IQCB1: variants seen among roughly 807,000 people sequenced by gnomAD.
IQCB1 encodes IQ calmodulin-binding motif-containing protein 1.
In IQCB1, 56 loss-of-function variants were observed where a neutral mutation model predicts 84.4. That is an observed-to-expected ratio of 0.66 (90% CI 0.54 to 0.83). The LOEUF is 0.83. Ranked by LOEUF, IQCB1 falls within the 40% of genes least tolerant of loss-of-function variation. The pLI, the probability that IQCB1 is intolerant of heterozygous loss-of-function variation, is 0.00. For synonymous variants in IQCB1, 210 were observed against 234.8 expected (o/e 0.89, Z 0.96); for missense variants, 629 against 682.1 (o/e 0.92, Z 0.87).
intron 13 of IQCB1, among the ~76,000 whole-genome samples, chr3:121,773,313 T>TAAAAAAAAA (rs57716745): frequency 1.9e-5 from 2 of 104,418 alleles, no homozygotes; most frequent in Non-Finnish European, 3.7e-5. Flanking sequence ...GACTCTGCCT[T>TAAAAAAAAA]AAAAAAAAAA....
chr3:121,811,953 G>C (rs1404135497), intron 5 of IQCB1, among the ~76,000 whole-genome samples: 1 of 152,328 alleles, frequency 6.6e-6, no homozygotes, highest in South Asian at 2.1e-4. Context: ...CTCTGCTAAG[G>C]AACAGAATGC....
chr3:121,822,089 G>A (rs1483093161), intron 5 of IQCB1, among the ~76,000 whole-genome samples: 2 of 152,156 alleles, frequency 1.3e-5, no homozygotes, highest in Non-Finnish European at 2.9e-5. Flanking sequence ...GCTTCTTCAT[G>A]GATCTCGAGT....
intron 10 of IQCB1, among the ~76,000 whole-genome samples, chr3:121,794,550 C>T (rs914029407): frequency 1.3e-5 from 2 of 151,908 alleles, no homozygotes; most frequent in Non-Finnish European, 1.5e-5. Context: ...AAAATTAATT[C>T]TTTTCTTTGC....
rs1949226136 is a variant in IQCB1 at position 121,797,133 on chromosome 3, C to A, written c.861G>T (p.Gln287His). ...AACTTAATACCTGCTCTTCTACTTCCTGATAGACCATTGGGCTTAAAAGGC... is the reference window on the plus strand; with the variant it reads ...AACTTAATACCTGCTCTTCTACTTCATGATAGACCATTGGGCTTAAAAGGC... ...LVGLLSPMVY[Q>H]EVEEQKLHQA... is the part of the protein sequence containing the mutation. The change falls in exon 9 of 15, where the codon CAG (glutamine) becomes CAT (histidine). Residue 287 changes from glutamine (Q) to histidine (H), a missense_variant. Physicochemically the swap from Gln to His is conservative, Grantham distance 24 (BLOSUM62 0). Transcript: ENST00000310864. 3.8e-6 allele frequency: 6 copies of A among 1,583,728 alleles called. No homozygotes were observed. Among genetic ancestry groups the A allele is most frequent in the Non-Finnish European group, 5.2e-6 (6 of 1,153,648 alleles).
intron 7 of IQCB1, among the ~76,000 whole-genome samples, chr3:121,800,091 A>C (rs772430313): frequency 2.6e-5 from 4 of 151,970 alleles, no homozygotes; most frequent in Non-Finnish European, 5.9e-5. Flanking sequence ...CAATGTAAAC[A>C]GACTCTTATT....
rs142471744 is a variant in IQCB1, at chr3:121,778,777, G to A, written c.1410+2966C>T. ...AAAAATTAGCTGAGCATGATGGCAG[G>A]CGCCTGTAATCCTAGCTACCTGGGA... On this transcript the variant is annotated intron_variant, in intron 13 of 14. Coordinates refer to ENST00000310864, the MANE Select transcript of IQCB1 (RefSeq NM_001023570.4). Among the ~76,000 whole-genome samples, 271 of 151,834 alleles carry A rather than the reference G, an allele frequency of 1.8e-3. 1 individual carries two copies. The highest frequency in any genetic ancestry group is 2.6e-3 in the Non-Finnish European group (178 of 67,922).
At chr3:121,823,440 A>G (rs1389646231) in intron 5 of IQCB1, among the ~76,000 whole-genome samples, 7 of 152,184 alleles carry the variant, frequency 4.6e-5, no homozygotes, top group African/African-American at 1.7e-4. Flanking sequence ...AACAAAGAGA[A>G]CATCTTAAAA....
At chr3:121,776,107 T>C (rs775272942) in intron 13 of IQCB1, among the ~76,000 whole-genome samples, 2 of 152,088 alleles carry the variant, frequency 1.3e-5, no homozygotes, top group Admixed American at 6.5e-5. Flanking sequence ...TCACCCAGGA[T>C]AGAGTGCAGT....
At chr3:121,826,241 G>A in intron 4 of IQCB1, 61 bp from the exon 5 acceptor site, 1 of 1,518,916 alleles carries the variant, frequency 6.6e-7, no homozygotes, top group Non-Finnish European at 9.1e-7. Context: ...CAAGCTTCTA[G>A]AGACACTGTG....
chr3:121,784,259 T>C (rs1018128358), intron 12 of IQCB1, among the ~76,000 whole-genome samples: 1 of 152,036 alleles, frequency 6.6e-6, no homozygotes, highest in Non-Finnish European at 1.5e-5. Context: ...TTGACCAGGC[T>C]GGCCTAGAAC....
In IQCB1 at chr3:121,781,737, T is replaced by G. The variant is rs1330938692; in HGVS notation, c.1410+6A>C. ...GTAATACTGATATGGTACAGAAGCTTCATACCAAATGTCTTCTGACATAGT... is the reference window on the plus strand; with the variant it reads ...GTAATACTGATATGGTACAGAAGCTGCATACCAAATGTCTTCTGACATAGT... On this transcript the variant is annotated splice_donor_region_variant and intron_variant, in intron 13 of 14. Transcript: ENST00000310864. The G allele has an allele frequency of 3.1e-6, 5 of 1,611,984 alleles. No individual in the cohort carries two copies. Among genetic ancestry groups the G allele is most frequent in the Non-Finnish European group, 3.4e-6 (4 of 1,178,352 alleles).
At chr3:121,810,147 C>A (rs1484283578) in intron 5 of IQCB1, among the ~76,000 whole-genome samples, 1 of 151,984 alleles carries the variant, frequency 6.6e-6, no homozygotes, top group African/African-American at 2.4e-5. Flanking sequence ...ATAATGTCAC[C>A]CACAAATTCA....
chr3:121,828,534 T>C lies in IQCB1; in HGVS notation c.199A>G (p.Ser67Gly), dbSNP rs770385729. ...CCCTGGATTCGAGAATAATCTTGAC[T>C]GAGGACCAAGAGGCAATATTGAATG... Reference protein sequence around the residue: ...DLIQYCLLVLSQDYSRIQGGW... With the variant: ...DLIQYCLLVLGQDYSRIQGGW... Residue 67 changes from serine to glycine, a missense_variant, in exon 4 of 15, where the codon AGT (serine) becomes GGT (glycine). Physicochemically the swap from Ser to Gly is moderately conservative, Grantham distance 56. Transcript: ENST00000310864. 31 of 1,612,206 alleles carry C rather than the reference T, an allele frequency of 1.9e-5. No individual in the cohort carries two copies. The highest frequency in any genetic ancestry group is 2.5e-5 in the Non-Finnish European group (30 of 1,178,460).
rs199775360 is a variant in IQCB1 at position 121,770,403 on chromosome 3, T to G, written c.1739A>C (p.Lys580Thr). 1.9e-6 allele frequency: 3 copies of G among 1,614,240 alleles called. No homozygotes were observed. The African/African-American group carries it at 4.0e-5, about 22-fold the overall frequency. Reference protein sequence around the residue: ...EESGDEIDVPKDELSIELENL... With the variant: ...EESGDEIDVPTDELSIELENL... ...TTCTAATTCTATACTAAGCTCATCCTTTGGAACATCAATCTCATCTCCAGA... is the reference window on the plus strand; with the variant it reads ...TTCTAATTCTATACTAAGCTCATCCGTTGGAACATCAATCTCATCTCCAGA... The change falls in exon 15 of 15, where the codon AAG becomes ACG. Residue 580 changes from lysine (K) to threonine (T), a missense_variant. Coordinates refer to ENST00000310864, the MANE Select transcript of IQCB1 (RefSeq NM_001023570.4).
chr3:121,787,124 G>A (rs551896407), intron 12 of IQCB1, among the ~76,000 whole-genome samples: 10 of 152,102 alleles, frequency 6.6e-5, no homozygotes, highest in African/African-American at 2.4e-4. Flanking sequence ...GCCTGAAGAA[G>A]GAGTAGGAGA....
At chr3:121,796,127 A>G (rs1055158742) in intron 9 of IQCB1, among the ~76,000 whole-genome samples, 2 of 152,080 alleles carry the variant, frequency 1.3e-5, no homozygotes, top group Non-Finnish European at 2.9e-5. Context: ...AATAAAATAT[A>G]GTTTTATGAT....
intron 5 of IQCB1, among the ~76,000 whole-genome samples, chr3:121,825,250 G>A (rs1456463222): frequency 2.0e-5 from 3 of 151,936 alleles, no homozygotes; most frequent in Admixed American, 6.6e-5. Flanking sequence ...AGTAGAGACA[G>A]GGTTTCTCCA....
chr3:121,798,533 C>T (rs569610711), intron 8 of IQCB1, among the ~76,000 whole-genome samples: 30 of 151,938 alleles, frequency 2.0e-4, no homozygotes, highest in African/African-American at 7.2e-4. Flanking sequence ...ATTACCATGT[C>T]TCTGTTTCTA....
chr3:121,823,747 A>C (rs916094177), intron 5 of IQCB1, among the ~76,000 whole-genome samples: 1 of 152,252 alleles, frequency 6.6e-6, no homozygotes, highest in African/African-American at 2.4e-5. Flanking sequence ...AATGATACCA[A>C]ATGAAAATTC....
Sources: gnomAD v4.1 joint callset for allele counts (sites outside exome capture counted in the v4.1 genomes callset) on GRCh38, gnomAD v4.1.1 for gene constraint, MANE v1.5 for transcripts, NCBI Gene and HGNC (gene_info 2026-07-23, HGNC 2026-07-21) for gene names.